PLPPR1: variants seen among roughly 807,000 people sequenced by gnomAD.
The protein encoded by PLPPR1 is phospholipid phosphatase-related protein type 1.
PLPPR1 carries 10 observed loss-of-function variants against 33.1 expected under a neutral mutation model. That is an observed-to-expected ratio of 0.30 (90% CI 0.19 to 0.51). The LOEUF (loss-of-function observed/expected upper bound fraction) is 0.51. Ranked by LOEUF, PLPPR1 falls within the 20% of genes least tolerant of loss-of-function variation. The pLI is 0.97. For missense variants in PLPPR1, 304 were observed against 408.1 expected (o/e 0.74, Z 2.20); for synonymous variants, 151 against 151.0 (o/e 1.00, Z 0.00).
intron 2 of PLPPR1, among the ~76,000 whole-genome samples, chr9:101,219,576 G>A (rs1263515315): frequency 6.6e-6 from 1 of 152,186 alleles, no homozygotes; most frequent in African/African-American, 2.4e-5. Context: ...TTACCTACAG[G>A]AAGTCAGTAG....
At chr9:101,073,781 CTAAGT>C (rs1233807212) in intron 1 of PLPPR1, among the ~76,000 whole-genome samples, 18 of 152,282 alleles carry the variant, frequency 1.2e-4, no homozygotes, top group Admixed American at 9.8e-4. Flanking sequence ...TTCACTTACT[CTAAGT>C]TAAGTTGTTC....
At chr9:101,245,908 C>A (rs956696647) in intron 2 of PLPPR1, among the ~76,000 whole-genome samples, 21 of 151,442 alleles carry the variant, frequency 1.4e-4, no homozygotes, top group African/African-American at 4.6e-4. Context: ...GAATATTAAT[C>A]TGCTAGGTTA....
chr9:101,237,921 T>A (rs1172213867), intron 2 of PLPPR1, among the ~76,000 whole-genome samples: 1 of 106,594 alleles, frequency 9.4e-6, no homozygotes, highest in Non-Finnish European at 1.9e-5. Flanking sequence ...ATTTGGAGAA[T>A]AAGCCTATAT....
At chr9:101,317,979 A>G (rs34698232) in intron 7 of PLPPR1, among the ~76,000 whole-genome samples, 2 of 152,184 alleles carry the variant, frequency 1.3e-5, no homozygotes, top group African/African-American at 4.8e-5. Flanking sequence ...CTACAACAGA[A>G]CCTTGCATCA....
chr9:101,308,695 C>A (rs1294995244), intron 4 of PLPPR1, among the ~76,000 whole-genome samples: 1 of 150,984 alleles, frequency 6.6e-6, no homozygotes, highest in Non-Finnish European at 1.5e-5. Flanking sequence ...CTCTCACCTG[C>A]CATGTTGTAA....
At chr9:101,322,269 CCA>C (rs1372854851) in intron 7 of PLPPR1, among the ~76,000 whole-genome samples, 2 of 145,610 alleles carry the variant, frequency 1.4e-5, no homozygotes, top group Non-Finnish European at 3.0e-5. Flanking sequence ...TAGATCAAAG[CCA>C]CAGTTTGTTA....
intron 2 of PLPPR1, among the ~76,000 whole-genome samples, chr9:101,249,141 C>A (rs1222543968): frequency 6.6e-6 from 1 of 152,062 alleles, no homozygotes; most frequent in African/African-American, 2.4e-5. Context: ...AGATAGCCAT[C>A]CTCACTGAAG....
chr9:101,171,913 C>A (rs1351028946), intron 1 of PLPPR1, among the ~76,000 whole-genome samples: 2 of 152,074 alleles, frequency 1.3e-5, no homozygotes, highest in African/African-American at 4.8e-5. Flanking sequence ...AAGATGAGCT[C>A]CCTTTTGGGA....
At chr9:101,313,105 T>A (rs1828989059) in intron 6 of PLPPR1, 131 bp downstream of exon 6, 5 of 777,044 alleles carry the variant, frequency 6.4e-6, no homozygotes, top group Admixed American at 5.3e-5. Context: ...ATTCTCCAAG[T>A]ATTATACATG....
At chr9:101,232,115 T>C (rs1167646946) in intron 2 of PLPPR1, among the ~76,000 whole-genome samples, 1 of 152,008 alleles carries the variant, frequency 6.6e-6, no homozygotes, top group African/African-American at 2.4e-5. Context: ...AACAAAATAT[T>C]TGAGTACAGT....
intron 2 of PLPPR1, among the ~76,000 whole-genome samples, chr9:101,223,798 A>G (rs890955288): frequency 1.1e-4 from 17 of 152,118 alleles, no homozygotes; most frequent in Non-Finnish European, 2.4e-4. Flanking sequence ...TTTATAAATT[A>G]CCCAGTCTGA....
chr9:101,246,968 A>C (rs903829703), intron 2 of PLPPR1, among the ~76,000 whole-genome samples: 2 of 151,802 alleles, frequency 1.3e-5, no homozygotes, highest in South Asian at 4.2e-4. Flanking sequence ...GCAGTTATGA[A>C]CTCTCAAATG....
At chr9:101,180,460 G>A (rs1376624489) in intron 1 of PLPPR1, among the ~76,000 whole-genome samples, 1 of 151,222 alleles carries the variant, frequency 6.6e-6, no homozygotes, top group African/African-American at 2.4e-5. Context: ...GAATAAAACG[G>A]AATGCATTAC....
intron 3 of PLPPR1, among the ~76,000 whole-genome samples, chr9:101,280,561 A>T (rs1828279058): frequency 6.6e-6 from 1 of 152,080 alleles, no homozygotes; most frequent in Non-Finnish European, 1.5e-5. Context: ...GCAACAACAC[A>T]TTAAAAAGAT....
At chr9:101,084,591 A>G (rs891225610) in intron 1 of PLPPR1, among the ~76,000 whole-genome samples, 4 of 152,232 alleles carry the variant, frequency 2.6e-5, no homozygotes, top group Non-Finnish European at 4.4e-5. Context: ...AGAGCTTCAT[A>G]GAGGGAGTCA....
At chr9:101,132,866 G>T (rs141337578) in intron 1 of PLPPR1, among the ~76,000 whole-genome samples, 2 of 152,240 alleles carry the variant, frequency 1.3e-5, no homozygotes, top group African/African-American at 4.8e-5. Context: ...GTGAATTCCA[G>T]TACTTAAGTG....
At chr9:101,273,453 T>C (rs1176629840) in intron 3 of PLPPR1, among the ~76,000 whole-genome samples, 1 of 152,204 alleles carries the variant, frequency 6.6e-6, no homozygotes, top group Non-Finnish European at 1.5e-5. Context: ...CTCTGAAATG[T>C]ATGTAGCCCC....
intron 3 of PLPPR1, among the ~76,000 whole-genome samples, chr9:101,273,588 G>A (rs1381687280): frequency 1.3e-5 from 2 of 152,210 alleles, no homozygotes; most frequent in South Asian, 2.1e-4. Context: ...AATGTAGTCT[G>A]TGGATCTGAA....
chr9:101,309,450 T>A lies in PLPPR1; in HGVS notation c.625T>A (p.Leu209Ile), dbSNP rs1489535473. Reference sequence around the variant, plus strand: ...CGCTGCTCTGAGCATTTACTCCGCCTTATATGCCACGGTGAGTGTGCAAGT... The same window carrying A: ...CGCTGCTCTGAGCATTTACTCCGCCATATATGCCACGGTGAGTGTGCAAGT... ...KHAALSIYSA[L>I]YATMYITSTI... Residue 209 changes from leucine to isoleucine, a missense_variant, in exon 5 of 8, where the codon TTA becomes ATA. Physicochemically the swap from Leu to Ile is conservative, Grantham distance 5. Transcript: ENST00000374874. 1.9e-6 allele frequency: 3 copies of A among 1,613,906 alleles called. No individual in the cohort carries two copies. The African/African-American group carries it at 4.0e-5, about 22-fold the overall frequency.
Sources: allele counts gnomAD v4.1 joint callset (sites outside exome capture counted in the v4.1 genomes callset), GRCh38; gene constraint gnomAD v4.1.1; transcripts MANE v1.5; gene names NCBI Gene and HGNC (gene_info 2026-07-23, HGNC 2026-07-21).